Variants in PSKH1 observed in about 807,000 individuals in gnomAD.
PSKH1 encodes the protein serine/threonine-protein kinase H1.
In PSKH1, 12 loss-of-function variants were observed where a neutral mutation model predicts 26.7. The observed-to-expected ratio is 0.45, with a 90% confidence interval of 0.29 to 0.73. PSKH1 has a LOEUF of 0.73. Ranked by LOEUF, PSKH1 falls within the 30% of genes least tolerant of loss-of-function variation. The pLI is 0.11. For missense variants in PSKH1, 431 were observed against 595.2 expected, an observed-to-expected ratio of 0.72 and a Z score of 2.87; for synonymous variants, 213 against 234.3, an observed-to-expected ratio of 0.91 and a Z score of 0.83.
intron 1 of PSKH1, among the ~76,000 whole-genome samples, chr16:67,899,702 C>CA (rs2151310283): frequency 6.6e-6 from 1 of 151,768 alleles, no homozygotes; most frequent in East Asian, 1.9e-4. Context: ...GGCTGGAGTG[C>CA]AGTGGCGTGA....
intron 2 of PSKH1, among the ~76,000 whole-genome samples, chr16:67,922,009 T>TGCATTATC (rs2058203978): frequency 6.6e-6 from 1 of 152,032 alleles, no homozygotes; most frequent in Non-Finnish European, 1.5e-5. Flanking sequence ...TTTTTAAAAC[T>TGCATTATC]GCATTATCTT....
At chr16:67,899,795 C>T (rs890898262) in intron 1 of PSKH1, among the ~76,000 whole-genome samples, 2 of 151,632 alleles carry the variant, frequency 1.3e-5, no homozygotes, top group African/African-American at 4.9e-5. Flanking sequence ...TTCCAGGTGT[C>T]CACCACCACA....
In PSKH1 at chr16:67,927,175, C is replaced by A. The variant is rs534550739; in HGVS notation, c.958-150C>A. ...GAGAGCAGCCCTTGTTCAGCCTGAG[C>A]CAGCGTTGGGCGGGGAGGCCCCAAG... On this transcript the variant is annotated intron_variant, in intron 2 of 2. Transcript: ENST00000291041. The surrounding 1 kb of genome is among the most constrained non-coding windows in gnomAD (Gnocchi z 5.5). The A allele has an allele frequency of 2.5e-5, 19 of 759,842 alleles. No homozygotes were observed. The South Asian group carries it at 3.0e-4, about 12-fold the overall frequency. 47.1% of individuals were successfully genotyped at this position (759,842 alleles called of 1,614,324 possible).
chr16:67,921,923 A>G (rs1241574144), intron 2 of PSKH1, among the ~76,000 whole-genome samples: 1 of 150,334 alleles, frequency 6.7e-6, no homozygotes, highest in Admixed American at 6.6e-5. Flanking sequence ...ACACAGCTTT[A>G]CTAACCTTTA....
chr16:67,902,441 C>G (rs1401113395), intron 1 of PSKH1, among the ~76,000 whole-genome samples: 1 of 151,870 alleles, frequency 6.6e-6, no homozygotes, highest in Non-Finnish European at 1.5e-5. Context: ...ATTACAGGCG[C>G]GTGCCATCAC....
chr16:67,917,283 G>C (rs1221797624), intron 2 of PSKH1, among the ~76,000 whole-genome samples: 2 of 152,360 alleles, frequency 1.3e-5, no homozygotes, highest in African/African-American at 4.8e-5. Flanking sequence ...ATTCCAGGCT[G>C]TCTTGGCTTC....
intron 2 of PSKH1, among the ~76,000 whole-genome samples, chr16:67,926,690 T>C (rs1415428067): frequency 6.6e-6 from 1 of 151,896 alleles, no homozygotes; most frequent in Non-Finnish European, 1.5e-5. Context: ...CTTTGTGGCT[T>C]AGAGAAGTAA....
chr16:67,910,261 A>T (rs990278783), intron 2 of PSKH1, among the ~76,000 whole-genome samples: 2 of 152,300 alleles, frequency 1.3e-5, no homozygotes, highest in African/African-American at 4.8e-5. Flanking sequence ...GGCGGTGGGA[A>T]GCTGTTGCCA....
chr16:67,902,440 G>T (rs146883636), intron 1 of PSKH1, among the ~76,000 whole-genome samples: 1 of 151,784 alleles, frequency 6.6e-6, no homozygotes, highest in Non-Finnish European at 1.5e-5. Context: ...GATTACAGGC[G>T]CGTGCCATCA....
At chr16:67,905,186 AAC>A (rs1175751197) in intron 1 of PSKH1, among the ~76,000 whole-genome samples, 1 of 151,922 alleles carries the variant, frequency 6.6e-6, no homozygotes. Context: ...CTTCTCTCTA[AAC>A]ACAGATCTGA....
chr16:67,926,242 G>T (rs1193447729), intron 2 of PSKH1, among the ~76,000 whole-genome samples: 3 of 152,170 alleles, frequency 2.0e-5, no homozygotes, highest in Non-Finnish European at 4.4e-5. Context: ...GGACTCACCT[G>T]GCTGAGCCCC....
At chr16:67,926,642 T>C (rs1484606295) in intron 2 of PSKH1, among the ~76,000 whole-genome samples, 2 of 152,080 alleles carry the variant, frequency 1.3e-5, no homozygotes, top group African/African-American at 4.8e-5. Flanking sequence ...GGACAGAATG[T>C]ACTAAAATGA....
chr16:67,922,521 C>A (rs1305898103), intron 2 of PSKH1, among the ~76,000 whole-genome samples: 1 of 152,170 alleles, frequency 6.6e-6, no homozygotes, highest in East Asian at 1.9e-4. Context: ...GCCCCAGAAT[C>A]ATCATTGGTT....
At chr16:67,900,646 T>A (rs2058139070) in intron 1 of PSKH1, among the ~76,000 whole-genome samples, 1 of 152,160 alleles carries the variant, frequency 6.6e-6, no homozygotes, top group Non-Finnish European at 1.5e-5. Flanking sequence ...TCTCTTTACC[T>A]CTCCTGGACT....
At chr16:67,908,468 C>T (rs963250954) in intron 1 of PSKH1, among the ~76,000 whole-genome samples, 1 of 152,110 alleles carries the variant, frequency 6.6e-6, no homozygotes, top group Admixed American at 6.6e-5. Context: ...TGGGTTTTCA[C>T]CATGTTGGCC....
rs2058227984 is a variant in PSKH1, at chr16:67,928,791, GC to G, written c.*1151del. 6.6e-6 allele frequency: 1 copy of G among 152,388 alleles called. No homozygotes were observed. The highest frequency in any genetic ancestry group is 1.5e-5 in the Non-Finnish European group (1 of 68,138). The allele number at this position is 152,388 out of a possible 1,614,324, so 9.4% of individuals were successfully genotyped here. A position where few individuals can be genotyped will look rare whatever the true frequency, so the allele number is the denominator to read the frequency against. On this transcript the variant is annotated 3_prime_UTR_variant, in exon 3 of 3. Transcript: ENST00000291041. This position sits in a 1 kb window ranked among gnomAD's most constrained non-coding sequence, Gnocchi z 4.8. ...ATGAGGACATGGGAAGGTAGGAGTT[GC>G]CGCCCTGGGGGAGGGTCCCGGGCTG...
intron 2 of PSKH1, among the ~76,000 whole-genome samples, chr16:67,920,764 C>T (rs943437766): frequency 6.6e-5 from 10 of 152,232 alleles, no homozygotes; most frequent in Non-Finnish European, 1.0e-4. Flanking sequence ...TGACGTCCCT[C>T]GGTAGATGTG....
At position 67,927,116 on chromosome 16, in the gene PSKH1, G is replaced by T. The variant is rs1483788236; in HGVS notation, c.958-209G>T. Among the ~76,000 whole-genome samples the T allele has an allele frequency of 6.6e-6, 1 of 152,236 alleles. No individual in the cohort carries two copies. Among genetic ancestry groups the T allele is most frequent in the South Asian group, 2.1e-4 (1 of 4,834 alleles). On this transcript the variant is annotated intron_variant, in intron 2 of 2. Transcript: ENST00000291041. This position sits in a 1 kb window ranked among gnomAD's most constrained non-coding sequence, Gnocchi z 5.5. The stretch of plus-strand genomic sequence containing the variant: ...AATTTGCTCCCTGGGAGAGTGCACA[G>T]GTCCTTTCCTTCCTTGCCAGACTCC...
intron 1 of PSKH1, among the ~76,000 whole-genome samples, chr16:67,905,531 G>A (rs2058153815): frequency 6.6e-6 from 1 of 152,082 alleles, no homozygotes; most frequent in African/African-American, 2.4e-5. Context: ...TATACTATTG[G>A]TTCTTAAGCT....
Sources: gnomAD v4.1 joint callset for allele counts (sites outside exome capture counted in the v4.1 genomes callset) on GRCh38, gnomAD v4.1.1 for gene constraint, Gnocchi (gnomAD v3.1) non-coding constraint, MANE v1.5 for transcripts, NCBI Gene and HGNC (gene_info 2026-07-23, HGNC 2026-07-21) for gene names.